The following RNF180 variants were observed in gnomAD, a reference collection of about 807,000 sequenced individuals.
The protein encoded by RNF180 is ring finger protein 180.
A neutral mutation model predicts 59.2 loss-of-function variants in RNF180; 38 were observed. The ratio of observed to expected loss-of-function variants is 0.64; its 90% CI spans 0.50 to 0.84. RNF180 has a LOEUF of 0.84. RNF180 is among the 40% of genes least tolerant of loss of function. The pLI, the probability that RNF180 is intolerant of heterozygous loss-of-function variation, is 0.00. For missense variants in RNF180, 705 were observed against 700.9 expected, an observed-to-expected ratio of 1.01 and a Z score of -0.07; for synonymous variants, 262 against 240.3, an observed-to-expected ratio of 1.09 and a Z score of -0.84.
At chr5:64,355,543 T>C (rs940000766) in intron 7 of RNF180, among the ~76,000 whole-genome samples, 4 of 151,884 alleles carry the variant, frequency 2.6e-5, no homozygotes, top group African/African-American at 9.7e-5. Flanking sequence ...AGCGCTTTTA[T>C]AGAAATGAAA....
At chr5:64,263,417 A>G (rs1319041399) in intron 5 of RNF180, among the ~76,000 whole-genome samples, 1 of 152,146 alleles carries the variant, frequency 6.6e-6, no homozygotes, top group Admixed American at 6.6e-5. Context: ...AGCTCTTTTG[A>G]GTTAGTATGA....
intron 5 of RNF180, among the ~76,000 whole-genome samples, chr5:64,300,674 T>C (rs766690782): frequency 4.9e-4 from 74 of 151,680 alleles, no homozygotes; most frequent in Non-Finnish European, 9.4e-4. Flanking sequence ...ATCTTGAGCA[T>C]TTAAGTACTA....
chr5:64,213,452 C>T, intron 3 of RNF180, 106 bp from the exon 4 acceptor site: 3 of 941,290 alleles, frequency 3.2e-6, no homozygotes, highest in Middle Eastern at 3.0e-4. Flanking sequence ...CTAGCCTTTT[C>T]TGTGGCATAG....
chr5:64,369,004 T>A (rs1746554013), intron 7 of RNF180, among the ~76,000 whole-genome samples: 1 of 152,074 alleles, frequency 6.6e-6, no homozygotes, highest in Non-Finnish European at 1.5e-5. Flanking sequence ...TAAAGACACG[T>A]GCACACGTAT....
At chr5:64,178,202 CAAAAAAAAAAAAAAA>C (rs67465847) in intron 1 of RNF180, among the ~76,000 whole-genome samples, 1 of 86,830 alleles carries the variant, frequency 1.2e-5, no homozygotes, top group Non-Finnish European at 2.4e-5. Context: ...GACTCCATCT[CAAAAAAAAAAAAAAA>C]AAAAAGAAAA....
chr5:64,234,416 A>G (rs1054762698), intron 5 of RNF180, among the ~76,000 whole-genome samples: 8 of 151,776 alleles, frequency 5.3e-5, no homozygotes, highest in Non-Finnish European at 8.8e-5. Flanking sequence ...CAGTGAGCCA[A>G]GATCGCGCCA....
At chr5:64,287,370 A>G (rs1742342932) in intron 5 of RNF180, among the ~76,000 whole-genome samples, 1 of 152,330 alleles carries the variant, frequency 6.6e-6, no homozygotes, top group East Asian at 1.9e-4. Context: ...TTAATGGTTT[A>G]CTAAATTCCA....
intron 1 of RNF180, among the ~76,000 whole-genome samples, chr5:64,174,959 CTTTTTTTT>C (rs370660214): frequency 2.4e-5 from 2 of 84,756 alleles, no homozygotes; most frequent in African/African-American, 9.9e-5. Flanking sequence ...TAATCCAGTT[CTTTTTTTT>C]TTTTTTTTTT....
chr5:64,200,786 A>G (rs1275346779), intron 1 of RNF180, 22 bp from the exon 2 acceptor site: 1 of 1,603,220 alleles, frequency 6.2e-7, no homozygotes, highest in South Asian at 1.1e-5. Context: ...AACATTCTAA[A>G]AATGCACTAA....
At chr5:64,174,809 C>T (rs1378145195) in intron 1 of RNF180, among the ~76,000 whole-genome samples, 1 of 151,892 alleles carries the variant, frequency 6.6e-6, no homozygotes, top group African/African-American at 2.4e-5. Flanking sequence ...AAATATAATC[C>T]TGCTTGTCTA....
chr5:64,316,396 G>A (rs1005531068), intron 5 of RNF180, among the ~76,000 whole-genome samples: 5 of 152,126 alleles, frequency 3.3e-5, no homozygotes, highest in African/African-American at 9.7e-5. Flanking sequence ...CTCACACCAA[G>A]ATACTGCAGA....
At chr5:64,328,879 G>A (rs1744769442) in intron 6 of RNF180, among the ~76,000 whole-genome samples, 1 of 152,124 alleles carries the variant, frequency 6.6e-6, no homozygotes, top group South Asian at 2.1e-4. Context: ...AAGTAAGAGG[G>A]GATGGTTGAT....
intron 7 of RNF180, among the ~76,000 whole-genome samples, chr5:64,336,286 C>T (rs541892874): frequency 6.6e-5 from 10 of 152,278 alleles, no homozygotes; most frequent in Admixed American, 6.5e-4. Context: ...TTCTCTTTCA[C>T]CTAGCACTGC....
chr5:64,310,599 C>G (rs572751422), intron 5 of RNF180, among the ~76,000 whole-genome samples: 88 of 151,288 alleles, frequency 5.8e-4, no homozygotes, highest in Non-Finnish European at 1.2e-3. Flanking sequence ...CTGATAAATA[C>G]CAGATCTCAG....
At chr5:64,179,843 T>C (rs949395698) in intron 1 of RNF180, among the ~76,000 whole-genome samples, 7 of 152,236 alleles carry the variant, frequency 4.6e-5, no homozygotes, top group African/African-American at 9.6e-5. Context: ...TGCCTAGTTA[T>C]ACCTCCCCGT....
intron 7 of RNF180, among the ~76,000 whole-genome samples, chr5:64,339,644 A>G (rs1745280029): frequency 1.3e-5 from 2 of 152,092 alleles, no homozygotes; most frequent in Admixed American, 6.5e-5. Context: ...ATCTTATGGG[A>G]AAAAAATAGA....
At chr5:64,305,057 C>T (rs1278560515) in intron 5 of RNF180, among the ~76,000 whole-genome samples, 1 of 151,656 alleles carries the variant, frequency 6.6e-6, no homozygotes, top group Non-Finnish European at 1.5e-5. Flanking sequence ...TTTAATTAAG[C>T]ATGTACATTA....
At chr5:64,242,712 G>A (rs1742875620) in intron 5 of RNF180, among the ~76,000 whole-genome samples, 1 of 152,122 alleles carries the variant, frequency 6.6e-6, no homozygotes, top group Non-Finnish European at 1.5e-5. Flanking sequence ...TACAGGTAAA[G>A]GAAAGACAAA....
intron 5 of RNF180, among the ~76,000 whole-genome samples, chr5:64,275,762 G>A (rs1430256112): frequency 6.6e-6 from 1 of 151,888 alleles, no homozygotes; most frequent in Non-Finnish European, 1.5e-5. Context: ...GATGCTTTCT[G>A]AGCTATAGCC....
Sources: allele counts gnomAD v4.1 joint callset (sites outside exome capture counted in the v4.1 genomes callset), GRCh38; gene constraint gnomAD v4.1.1; transcripts MANE v1.5; gene names NCBI Gene and HGNC (gene_info 2026-07-23, HGNC 2026-07-21).